Variants in GALNTL6 observed in about 807,000 individuals in gnomAD.
GALNTL6 encodes the protein polypeptide N-acetylgalactosaminyltransferase-like 6.
In GALNTL6, 46 loss-of-function variants were observed where a neutral mutation model predicts 73.7. The observed-to-expected ratio is 0.62, with a 90% CI of 0.49 to 0.80. GALNTL6 has a LOEUF of 0.80. Ranked by LOEUF, GALNTL6 falls within the 30% of genes least tolerant of loss-of-function variation. GALNTL6 has a pLI of 0.00. For missense variants in GALNTL6, 604 were observed against 755.0 expected (o/e 0.80, Z 2.34); for synonymous variants, 259 against 263.7 (o/e 0.98, Z 0.17).
At chr4:172,576,571 A>G (rs919854297) in intron 5 of GALNTL6, among the ~76,000 whole-genome samples, 9 of 152,184 alleles carry the variant, frequency 5.9e-5, no homozygotes, top group Non-Finnish European at 1.2e-4. Context: ...TTACAAATCA[A>G]TTACCTAACT....
At position 172,463,844 on chromosome 4, in the gene GALNTL6, G is replaced by T. The variant is rs149409417; in HGVS notation, c.553+115155G>T. 8.5e-3 allele frequency among the ~76,000 whole-genome samples: 1,288 copies of T among 152,144 alleles called. 4 individuals are homozygous for T. The highest frequency in any genetic ancestry group is 0.031 in the Middle Eastern group (9 of 294). ...CTTGCATGATTTTCTATTGATAAAT[G>T]CCCCCACAATATTTTGTTTTACCTT... On this transcript the variant is annotated intron_variant, in intron 5 of 12. Coordinates refer to ENST00000506823, the MANE Select transcript of GALNTL6 (RefSeq NM_001034845.3).
chr4:172,919,683 C>T (rs528274166), intron 8 of GALNTL6, among the ~76,000 whole-genome samples: 1 of 152,256 alleles, frequency 6.6e-6, no homozygotes, highest in South Asian at 2.1e-4. Flanking sequence ...AAGCAATAAA[C>T]TCAAATTCTG....
chr4:172,217,872 C>T (rs772152415), intron 2 of GALNTL6, among the ~76,000 whole-genome samples: 2 of 151,986 alleles, frequency 1.3e-5, no homozygotes, highest in African/African-American at 2.4e-5. Context: ...GGGAAATTGG[C>T]CTGTATTGAA....
chr4:171,905,946 G>A (rs1329939434), intron 2 of GALNTL6, among the ~76,000 whole-genome samples: 133 of 150,598 alleles, frequency 8.8e-4, no homozygotes, highest in African/African-American at 3.1e-3. Context: ...TGAAACCAAC[G>A]AGAACAAAGA....
At chr4:171,995,924 C>A (rs1018902510) in intron 2 of GALNTL6, among the ~76,000 whole-genome samples, 14 of 151,924 alleles carry the variant, frequency 9.2e-5, no homozygotes, top group African/African-American at 3.4e-4. Context: ...CACTTAACAA[C>A]CATTGTACAG....
chr4:172,733,484 T>C (rs926498881), intron 5 of GALNTL6, among the ~76,000 whole-genome samples: 1 of 152,174 alleles, frequency 6.6e-6, no homozygotes, highest in Non-Finnish European at 1.5e-5. Flanking sequence ...TTTGATATGG[T>C]TTGGCTGTGT....
At chr4:172,424,289 T>G (rs1731152973) in intron 5 of GALNTL6, among the ~76,000 whole-genome samples, 1 of 152,132 alleles carries the variant, frequency 6.6e-6, no homozygotes. Flanking sequence ...TTTGAATATT[T>G]TACATATCAT....
intron 5 of GALNTL6, among the ~76,000 whole-genome samples, chr4:172,600,527 T>C (rs904620677): frequency 2.1e-5 from 3 of 145,198 alleles, no homozygotes; most frequent in East Asian, 4.1e-4. Flanking sequence ...CAGAGAAAAA[T>C]CTCCAAAATC....
chr4:172,975,189 G>A (rs1286321263), intron 10 of GALNTL6, among the ~76,000 whole-genome samples: 1 of 152,212 alleles, frequency 6.6e-6, no homozygotes, highest in Non-Finnish European at 1.5e-5. Context: ...TGAGCAAGGT[G>A]AAGAGCTGCT....
At chr4:172,768,958 G>A (rs1165129367) in intron 5 of GALNTL6, among the ~76,000 whole-genome samples, 1 of 151,864 alleles carries the variant, frequency 6.6e-6, no homozygotes, top group Admixed American at 6.6e-5. Flanking sequence ...ACTTCTGCTT[G>A]GAGGAAACTG....
At chr4:172,922,270 A>G (rs1440077267) in intron 8 of GALNTL6, among the ~76,000 whole-genome samples, 2 of 152,232 alleles carry the variant, frequency 1.3e-5, no homozygotes, top group Non-Finnish European at 2.9e-5. Flanking sequence ...TGTCTTTATC[A>G]GCAGCATGAA....
At chr4:172,988,244 T>C (rs1156751216) in intron 10 of GALNTL6, among the ~76,000 whole-genome samples, 1 of 152,218 alleles carries the variant, frequency 6.6e-6, no homozygotes, top group Non-Finnish European at 1.5e-5. Flanking sequence ...TATTGGGAAC[T>C]GGACTAAAGG....
intron 5 of GALNTL6, among the ~76,000 whole-genome samples, chr4:172,732,537 T>C (rs2111393233): frequency 6.6e-6 from 1 of 152,338 alleles, no homozygotes; most frequent in Non-Finnish European, 1.5e-5. Flanking sequence ...GCGTTATTAT[T>C]GATAAGAACT....
At chr4:172,255,674 A>G (rs779761743) in intron 3 of GALNTL6, among the ~76,000 whole-genome samples, 6 of 151,510 alleles carry the variant, frequency 4.0e-5, no homozygotes, top group Non-Finnish European at 8.9e-5. Context: ...CGTTGAAAAT[A>G]TATACACCAA....
intron 4 of GALNTL6, 150 bp from the exon 5 acceptor site, chr4:172,348,373 G>C (rs1741826476): frequency 3.6e-6 from 2 of 554,818 alleles, no homozygotes; most frequent in South Asian, 5.8e-5. Flanking sequence ...GAAGGAGCAG[G>C]ATAACAATCA....
At chr4:171,964,472 C>T (rs531753407) in intron 2 of GALNTL6, among the ~76,000 whole-genome samples, 1 of 152,100 alleles carries the variant, frequency 6.6e-6, no homozygotes, top group South Asian at 2.1e-4. Context: ...TTGTTTCATC[C>T]CATTTTGTCC....
intron 2 of GALNTL6, among the ~76,000 whole-genome samples, chr4:171,817,532 C>T (rs1047882637): frequency 6.6e-6 from 1 of 151,286 alleles, no homozygotes; most frequent in African/African-American, 2.4e-5. Flanking sequence ...CTGATGGGAA[C>T]CATGTGGATT....
chr4:172,228,420 A>G (rs1183581488), intron 2 of GALNTL6, among the ~76,000 whole-genome samples: 2 of 152,114 alleles, frequency 1.3e-5, no homozygotes, highest in South Asian at 2.1e-4. Context: ...TTTATTTTCA[A>G]CTACCTTTTT....
At chr4:172,626,376 G>A (rs1194910579) in intron 5 of GALNTL6, among the ~76,000 whole-genome samples, 1 of 151,882 alleles carries the variant, frequency 6.6e-6, no homozygotes, top group African/African-American at 2.4e-5. Context: ...ATTGGTCTGT[G>A]TGTCTGTTTT....
Sources: gnomAD v4.1 joint callset for allele counts (sites outside exome capture counted in the v4.1 genomes callset) on GRCh38, gnomAD v4.1.1 for gene constraint, MANE v1.5 for transcripts, NCBI Gene and HGNC (gene_info 2026-07-23, HGNC 2026-07-21) for gene names.